The following NSD2 variants were observed in gnomAD, a reference collection of about 807,000 sequenced individuals.
The protein encoded by NSD2 is histone-lysine N-methyltransferase NSD2.
NSD2 carries 12 observed loss-of-function variants against 139.0 expected under a neutral mutation model. The ratio of observed to expected loss-of-function variants is 0.09; its 90% CI spans 0.06 to 0.14. The LOEUF (loss-of-function observed/expected upper bound fraction) is 0.14, where lower values mean the gene tolerates loss of function less well. Ranked by LOEUF, NSD2 falls within the 10% of genes least tolerant of loss-of-function variation. NSD2 has a pLI of 1.00. For synonymous variants in NSD2, 669 were observed against 648.7 expected, an observed-to-expected ratio of 1.03 and a Z score of -0.48; for missense variants, 1,155 against 1,745.0, an observed-to-expected ratio of 0.66 and a Z score of 6.02.
At chr4:1,962,552 A>G (rs2108981869) in intron 18 of NSD2, among the ~76,000 whole-genome samples, 1 of 152,386 alleles carries the variant, frequency 6.6e-6, no homozygotes, top group East Asian at 1.9e-4. Flanking sequence ...ACATATATCC[A>G]TAAATAGAAA....
intron 9 of NSD2, among the ~76,000 whole-genome samples, chr4:1,949,308 G>A (rs901020343): frequency 2.6e-5 from 4 of 152,242 alleles, no homozygotes; most frequent in South Asian, 2.1e-4. Flanking sequence ...TGTTCATGAC[G>A]CTAGTCCATC....
chr4:1,904,237 T>C lies in NSD2; in HGVS notation c.619T>C (p.Cys207Arg), dbSNP rs1717589746. The C allele has an allele frequency of 6.2e-7, 1 of 1,613,828 alleles. No individual in the cohort carries two copies. The highest frequency in any genetic ancestry group is 8.5e-7 in the Non-Finnish European group (1 of 1,179,822). ...TCAGATTCCAGCTAAGAAAGAGTCTTGTCCAAACACTGGAAGAGACAAAGA... is the reference window on the plus strand; with the variant it reads ...TCAGATTCCAGCTAAGAAAGAGTCTCGTCCAAACACTGGAAGAGACAAAGA... ...DKKIPAKKES[C>R]PNTGRDKDHL... The change falls in exon 3 of 22, where the codon TGT becomes CGT. Residue 207 changes from cysteine (C) to arginine (R), a missense_variant. Physicochemically the swap from Cys to Arg is radical, Grantham distance 180 (BLOSUM62 -3). Around this residue, in one of 8 missense-constraint regions of NSD2, gnomAD observed 246 missense variants for 262.8 expected, o/e 0.94. Coordinates refer to ENST00000508803, the MANE Select transcript of NSD2 (RefSeq NM_001042424.3).
At chr4:1,977,806 CA>C (rs1727259873) in intron 21 of NSD2, among the ~76,000 whole-genome samples, 1 of 142,344 alleles carries the variant, frequency 7.0e-6, no homozygotes, top group Non-Finnish European at 1.5e-5. Context: ...AAAAAAAAAC[CA>C]AACAAACAAA....
rs1723222099 is a variant in NSD2 at position 1,942,698 on chromosome 4, G to A, written c.1881+2920G>A. ...TAGTTGGGGGCTGTCCAGAGCTGCA[G>A]CAGGGCTTTGCACGGAAGGGGTGGC... On this transcript the variant is annotated intron_variant, in intron 9 of 21. Coordinates refer to ENST00000508803, the MANE Select transcript of NSD2 (RefSeq NM_001042424.3). The surrounding 1 kb of genome is among the most constrained non-coding windows in gnomAD (Gnocchi z 4.0). 3 of 1,118,106 alleles carry A rather than the reference G, an allele frequency of 2.7e-6. No individual in the cohort carries two copies. Among genetic ancestry groups the A allele is most frequent in the Admixed American group, 4.6e-5 (1 of 21,716 alleles). 69.3% of individuals were successfully genotyped at this position (1,118,106 alleles called of 1,614,324 possible). A position where few individuals can be genotyped will look rare whatever the true frequency, so the allele number is the denominator to read the frequency against.
At chr4:1,914,703 C>T (rs1225621181) in intron 3 of NSD2, among the ~76,000 whole-genome samples, 2 of 152,110 alleles carry the variant, frequency 1.3e-5, no homozygotes, top group African/African-American at 4.8e-5. Context: ...AGAAGAATTC[C>T]CCTAGGAATT....
chr4:1,946,186 G>A (rs1255069615), intron 9 of NSD2: 2 of 1,020,020 alleles, frequency 2.0e-6, no homozygotes, highest in African/African-American at 1.7e-5. Flanking sequence ...ATTAGAAAAG[G>A]TTTCTTAAAA....
Position 1,955,511 on chromosome 4 carries a change from C to A in NSD2, c.2518+171C>A. 8.1e-7 allele frequency: 1 copy of A among 1,233,356 alleles called. No individual in the cohort carries two copies. The highest frequency in any genetic ancestry group is 1.1e-6 in the Non-Finnish European group (1 of 916,040). 76.4% of individuals were successfully genotyped at this position (1,233,356 alleles called of 1,614,324 possible). Reference sequence around the variant, plus strand: ...CTCTAAATTAATTGTAATCATTTCGCAAACATACAGGAAATTATTTGTGGT... The same window carrying A: ...CTCTAAATTAATTGTAATCATTTCGAAAACATACAGGAAATTATTTGTGGT... On this transcript the variant is annotated intron_variant, in intron 13 of 21. Transcript: ENST00000508803. The surrounding 1 kb of genome is among the most constrained non-coding windows in gnomAD (Gnocchi z 4.7).
intron 9 of NSD2, chr4:1,946,851 C>A: frequency 1.9e-6 from 2 of 1,058,190 alleles, no homozygotes; most frequent in Non-Finnish European, 2.3e-6. Flanking sequence ...CAGGCCTCAT[C>A]TTTTTGGTTG....
intron 9 of NSD2, chr4:1,941,352 T>A (rs916125590): frequency 9.5e-7 from 1 of 1,051,738 alleles, no homozygotes; most frequent in African/African-American, 1.7e-5. Flanking sequence ...AGAGAGAACA[T>A]GGAGCCTGCT....
rs1475504104 is a variant in NSD2 at position 1,975,415 on chromosome 4, CCCT to C, written c.3621+19_3621+21del. 1.9e-6 allele frequency: 3 copies of C among 1,609,836 alleles called. No individual in the cohort carries two copies. Among genetic ancestry groups the C allele is most frequent in the Non-Finnish European group, 2.6e-6 (3 of 1,176,422 alleles). The stretch of plus-strand genomic sequence containing the variant: ...ATAGACCAAAGGTAAGGCTGTGGCG[CCCT>C]CCTTCCCCCCAGGCTCTGTGTTGGC... On this transcript the variant is annotated intron_variant, in intron 20 of 21. Coordinates refer to ENST00000508803, the MANE Select transcript of NSD2 (RefSeq NM_001042424.3).
intron 6 of NSD2, among the ~76,000 whole-genome samples, chr4:1,932,899 AGGCGCGG>A (rs1353640290): frequency 6.6e-6 from 1 of 152,194 alleles, no homozygotes; most frequent in Admixed American, 6.5e-5. Context: ...TGGGAAAGCG[AGGCGCGG>A]GGCTGGCTTT....
intron 9 of NSD2, chr4:1,946,210 G>A (rs554926647): frequency 2.9e-6 from 3 of 1,017,076 alleles, no homozygotes; most frequent in Admixed American, 1.2e-4. Flanking sequence ...TCACAAAGCT[G>A]TTATTGGCTT....
chr4:1,898,189 C>T (rs1007461238), intron 1 of NSD2, among the ~76,000 whole-genome samples: 3 of 151,954 alleles, frequency 2.0e-5, no homozygotes, highest in Admixed American at 6.6e-5. Flanking sequence ...TGGACTCAAG[C>T]GATCCTCCTG....
chr4:1,931,651 T>C (rs2108859309), intron 6 of NSD2, among the ~76,000 whole-genome samples: 1 of 152,310 alleles, frequency 6.6e-6, no homozygotes, highest in East Asian at 1.9e-4. Context: ...TGGCCACATG[T>C]GCCTGCTGTC....
rs572584004 is a variant in NSD2, at chr4:1,980,633, G to A, written c.*1724G>A. On this transcript the variant is annotated 3_prime_UTR_variant, in exon 22 of 22. Transcript: ENST00000508803. The stretch of plus-strand genomic sequence containing the variant: ...GGTGTGTGGCCCTGCAGGGTCCCAC[G>A]CCTCCCTGAGCACTGACTGGAAGTT... The A allele has an allele frequency of 6.9e-5, 16 of 233,046 alleles. No individual in the cohort carries two copies. The highest frequency in any genetic ancestry group is 4.8e-4 in the East Asian group (8 of 16,578). The allele number at this position is 233,046 out of a possible 1,614,324, so 14.4% of individuals were successfully genotyped here.
intron 1 of NSD2, among the ~76,000 whole-genome samples, chr4:1,872,637 C>CGAGAGAGCGAGCGAGAGA (rs1375337847): frequency 1.2e-5 from 1 of 81,746 alleles, no homozygotes; most frequent in Non-Finnish European, 2.5e-5. Context: ...AGAGAGAGAG[C>CGAGAGAGCGAGCGAGAGA]GCGCAGACCC....
chr4:1,910,055 A>C lies in NSD2; in HGVS notation c.760+5677A>C, dbSNP rs116319273. ...AACTGAGGTATAATATACATGCAAAAGTGAACATAACTCATAAGCTACAGC... is the reference window on the plus strand; with the variant it reads ...AACTGAGGTATAATATACATGCAAACGTGAACATAACTCATAAGCTACAGC... On this transcript the variant is annotated intron_variant, in intron 3 of 21. Transcript: ENST00000508803. Among the ~76,000 whole-genome samples, 1,133 of 152,338 alleles carry C rather than the reference A, an allele frequency of 7.4e-3. 9 individuals carry two copies. Among genetic ancestry groups the C allele is most frequent in the South Asian group, 0.016 (75 of 4,830 alleles).
At chr4:1,879,533 A>T (rs531084199) in intron 1 of NSD2, among the ~76,000 whole-genome samples, 283 of 152,104 alleles carry the variant, frequency 1.9e-3, no homozygotes, top group South Asian at 5.0e-3. Flanking sequence ...CACATTTTTT[A>T]AAAAATGTGT....
chr4:1,950,626 CACTT>C (rs1198399542), intron 9 of NSD2, among the ~76,000 whole-genome samples: 3 of 152,212 alleles, frequency 2.0e-5, no homozygotes, highest in African/African-American at 4.8e-5. Flanking sequence ...ATGAGGCTGA[CACTT>C]ACTTCATCTG....
Sources: allele counts gnomAD v4.1 joint callset (sites outside exome capture counted in the v4.1 genomes callset), GRCh38; gene constraint gnomAD v4.1.1; regional missense constraint gnomAD v4.1.1; non-coding constraint Gnocchi (gnomAD v3.1); transcripts MANE v1.5; gene names NCBI Gene and HGNC (gene_info 2026-07-23, HGNC 2026-07-21).